Variants in KIF11 observed in about 807,000 individuals in gnomAD.
KIF11 encodes the protein kinesin family member 11, also known as kinesin-like protein KIF11.
In KIF11, 9 loss-of-function variants were observed where a neutral mutation model predicts 121.0. The observed-to-expected ratio is 0.07, with a 90% CI of 0.04 to 0.13. The LOEUF (loss-of-function observed/expected upper bound fraction) is 0.13. Ranked by LOEUF, KIF11 falls within the 10% of genes least tolerant of loss-of-function variation. The probability of loss-of-function intolerance (pLI) is 1.00; values close to 1 mark genes in which losing one functional copy is unlikely to be tolerated. For synonymous variants in KIF11, 408 were observed against 421.0 expected, an observed-to-expected ratio of 0.97 and a Z score of 0.38; for missense variants, 846 against 1,217.5, an observed-to-expected ratio of 0.69 and a Z score of 4.54.
rs150750261 is a variant in KIF11 at position 92,621,448 on chromosome 10, G to A, written c.1192G>A (p.Val398Met). 1.9e-6 allele frequency: 3 copies of A among 1,612,352 alleles called. No homozygotes were observed. The African/African-American group carries it at 4.0e-5, about 22-fold the overall frequency. Residue 398 changes from valine (V) to methionine (M), a missense_variant, in exon 10 of 22, where the codon GTG becomes ATG. By Grantham distance (21) the Val-to-Met change is conservative. Coordinates refer to ENST00000260731, the MANE Select transcript of KIF11 (RefSeq NM_004523.4). ...DLAAAREKNGVYISEENFRVM... is the reference protein window; with the variant it reads ...DLAAAREKNGMYISEENFRVM... Reference sequence around the variant, plus strand: ...TGCTGCAGCCCGTGAGAAAAATGGAGTGTATATTTCTGAAGAAAATTTTAG... The same window carrying A: ...TGCTGCAGCCCGTGAGAAAAATGGAATGTATATTTCTGAAGAAAATTTTAG...
chr10:92,593,465 C>T lies in KIF11; in HGVS notation c.77+13C>T. ...TGGTGAGATGCAGGTAGGGAGAGGG[C>T]TGACAGGATTCCGAGCGCTGCGGCT... On this transcript the variant is annotated intron_variant, in intron 1 of 21. Transcript: ENST00000260731. The T allele has an allele frequency of 6.2e-7, 1 of 1,604,574 alleles. No homozygotes were observed.
In KIF11 at chr10:92,607,071, C is replaced by T; in HGVS notation, c.309-88C>T. 6 of 787,956 alleles carry T rather than the reference C, an allele frequency of 7.6e-6. No homozygotes were observed. The South Asian group carries it at 9.5e-5, about 12-fold the overall frequency. 48.8% of individuals were successfully genotyped at this position (787,956 alleles called of 1,614,324 possible). A position where few individuals can be genotyped will look rare whatever the true frequency, so the allele number is the denominator to read the frequency against. ...GGATTATAGGCTTGAGCCACTGTGC[C>T]TGGCTTGTTTTTTGTTTTTCTAGTC... On this transcript the variant is annotated intron_variant, in intron 3 of 21. Coordinates refer to ENST00000260731, the MANE Select transcript of KIF11 (RefSeq NM_004523.4).
intron 10 of KIF11, among the ~76,000 whole-genome samples, chr10:92,624,067 A>G (rs1304309263): frequency 6.6e-6 from 1 of 151,988 alleles, no homozygotes; most frequent in Non-Finnish European, 1.5e-5. Flanking sequence ...AAAGAGGCCC[A>G]GGTGACTATT....
chr10:92,609,999 AGTGCTGAGATTACAC>A (rs1363139538), intron 6 of KIF11, among the ~76,000 whole-genome samples: 3 of 152,214 alleles, frequency 2.0e-5, no homozygotes, highest in African/African-American at 7.2e-5. Flanking sequence ...GGCCTCCCAA[AGTGCTGAGATTACAC>A]GTGTGAGCCA....
intron 1 of KIF11, among the ~76,000 whole-genome samples, chr10:92,600,249 C>T (rs1007187955): frequency 4.0e-5 from 6 of 151,624 alleles, no homozygotes; most frequent in Non-Finnish European, 5.9e-5. Context: ...GTGATCCGCC[C>T]GCTTCGGCCT....
intron 14 of KIF11, among the ~76,000 whole-genome samples, chr10:92,636,302 A>T (rs892216890): frequency 3.3e-5 from 5 of 152,094 alleles, no homozygotes; most frequent in African/African-American, 9.7e-5. Flanking sequence ...TCCTCTTTTG[A>T]ATTCTTCTGA....
At chr10:92,617,282 T>G (rs989845222) in intron 9 of KIF11, among the ~76,000 whole-genome samples, 3 of 152,228 alleles carry the variant, frequency 2.0e-5, no homozygotes, top group African/African-American at 7.2e-5. Flanking sequence ...GTCTACAGAT[T>G]TGCCTTTTCT....
intron 17 of KIF11, among the ~76,000 whole-genome samples, chr10:92,640,968 G>A (rs1253261908): frequency 2.0e-5 from 3 of 150,658 alleles, no homozygotes; most frequent in Admixed American, 2.0e-4. Flanking sequence ...GGCTGATCTT[G>A]AACTCCTGGT....
Position 92,645,602 on chromosome 10 carries a change from C to A in KIF11, c.2507C>A (p.Ser836Tyr). 1 of 1,607,892 alleles carries A rather than the reference C, an allele frequency of 6.2e-7. No homozygotes were observed. The highest frequency in any genetic ancestry group is 1.1e-5 in the South Asian group (1 of 89,662). ...TVYFSEQWVS[S>Y]LNEREQELHN... ...TATTTTTCTGAACAGTGGGTATCTT[C>A]CTTAAATGAAAGGGAACAGGAACTT... Residue 836 changes from serine to tyrosine, a missense_variant, in exon 18 of 22, where the codon TCC becomes TAC. By Grantham distance (144) the Ser-to-Tyr change is moderately radical. Around this residue, in one of 5 missense-constraint regions of KIF11, gnomAD observed 492 missense variants for 603.4 expected, o/e 0.82. Transcript: ENST00000260731.
At chr10:92,650,762 T>C (rs1471918924) in intron 21 of KIF11, among the ~76,000 whole-genome samples, 6 of 152,250 alleles carry the variant, frequency 3.9e-5, no homozygotes, top group African/African-American at 1.4e-4. Flanking sequence ...TTAGCTATTG[T>C]ATTTATTCCT....
chr10:92,653,710 A>C lies in KIF11; in HGVS notation c.3085A>C (p.Thr1029Pro), dbSNP rs1845013163. 1 of 1,613,160 alleles carries C rather than the reference A, an allele frequency of 6.2e-7. No individual in the cohort carries two copies. ...GKDKENRGIN[T>P]LERSKVEETT... is the part of the protein sequence containing the mutation. ...AGACAAAGAAAACAGAGGCATTAAC[A>C]CACTGGAGAGGTCTAAAGTGGAAGA... Residue 1029 changes from threonine to proline, a missense_variant, in exon 22 of 22, where the codon ACA (threonine) becomes CCA (proline). Coordinates refer to ENST00000260731, the MANE Select transcript of KIF11 (RefSeq NM_004523.4).
Position 92,651,507 on chromosome 10 carries a change from GTTTTTTT to G in KIF11, c.3039+1025_3039+1031del, listed in dbSNP as rs1175303233. Among the ~76,000 whole-genome samples, 515 of 52,938 alleles carry G rather than the reference GTTTTTTT, an allele frequency of 9.7e-3. 35 individuals are homozygous for G. Among genetic ancestry groups the G allele is most frequent in the South Asian group, 0.021 (22 of 1,032 alleles). The allele number at this position is 52,938 out of a possible 152,430, so 34.7% of individuals were successfully genotyped here. A position where few individuals can be genotyped will look rare whatever the true frequency, so the allele number is the denominator to read the frequency against. Reference sequence around the variant, plus strand: ...TGTGCCACCATGCCTGGCTAATTTTGTTTTTTTTTTTTTTTTTTTTTTTTTTTTTTTT... The same window carrying G: ...TGTGCCACCATGCCTGGCTAATTTTGTTTTTTTTTTTTTTTTTTTTTTTTT... On this transcript the variant is annotated intron_variant, in intron 21 of 21. Coordinates refer to ENST00000260731, the MANE Select transcript of KIF11 (RefSeq NM_004523.4).
rs200944220 is a variant in KIF11 at position 92,648,383 on chromosome 10, A to T, written c.2719A>T (p.Thr907Ser). The change falls in exon 19 of 22, where the codon ACT becomes TCT. Residue 907 changes from threonine to serine, a missense_variant. Thr to Ser is a moderately conservative substitution (Grantham distance 58, BLOSUM62 1). Around this residue, in one of 5 missense-constraint regions of KIF11, gnomAD observed 492 missense variants for 603.4 expected, o/e 0.82. Coordinates refer to ENST00000260731, the MANE Select transcript of KIF11 (RefSeq NM_004523.4). Reference protein sequence around the residue: ...ELNETIKIGLTKLNCFLEQDL... With the variant: ...ELNETIKIGLSKLNCFLEQDL... ...TAATGAAACCATAAAAATTGGTTTG[A>T]CTAAGCTTAATTGCTTTCTGGAACA... 1.7e-4 allele frequency: 280 copies of T among 1,612,886 alleles called. No individual in the cohort carries two copies. Among genetic ancestry groups the T allele is most frequent in the Admixed American group, 2.2e-4 (13 of 59,858 alleles).
intron 14 of KIF11, among the ~76,000 whole-genome samples, chr10:92,634,122 T>C (rs551055245): frequency 3.1e-4 from 47 of 152,132 alleles, no homozygotes; most frequent in African/African-American, 1.1e-3. Flanking sequence ...TAGCTGGGAC[T>C]ACAGGCGCCC....
intron 21 of KIF11, among the ~76,000 whole-genome samples, chr10:92,651,548 T>TTTTTTG (rs1844984273): frequency 2.6e-5 from 3 of 117,106 alleles, no homozygotes; most frequent in Non-Finnish European, 5.3e-5. Flanking sequence ...TTTTTTTTTT[T>TTTTTTG]AGTAGAGGGG....
intron 1 of KIF11, among the ~76,000 whole-genome samples, chr10:92,593,854 A>C (rs564457008): frequency 1.3e-5 from 2 of 152,318 alleles, no homozygotes; most frequent in East Asian, 3.9e-4. Flanking sequence ...TAGATGCAAT[A>C]TTTTCTGCAT....
chr10:92,599,928 G>A (rs1333959507), intron 1 of KIF11, among the ~76,000 whole-genome samples: 2 of 148,778 alleles, frequency 1.3e-5, no homozygotes, highest in African/African-American at 4.9e-5. Flanking sequence ...TGGGATTACA[G>A]CCGTGAGCCA....
At chr10:92,639,217 T>C (rs11187109) in intron 16 of KIF11, among the ~76,000 whole-genome samples, 13,215 of 152,246 alleles carry the variant, frequency 0.087, 652 homozygotes, top group Middle Eastern at 0.11. Flanking sequence ...TATGGGTTGT[T>C]TGATTAGTTT....
At chr10:92,611,609 T>C (rs1564706046) in intron 6 of KIF11, among the ~76,000 whole-genome samples, 1 of 152,158 alleles carries the variant, frequency 6.6e-6, no homozygotes, top group Non-Finnish European at 1.5e-5. Context: ...TTTATAAAAA[T>C]GATACTTGGC....
Sources: gnomAD v4.1 joint callset for allele counts (sites outside exome capture counted in the v4.1 genomes callset) on GRCh38, gnomAD v4.1.1 for gene constraint, gnomAD v4.1.1 regional missense constraint, MANE v1.5 for transcripts, NCBI Gene and HGNC (gene_info 2026-07-23, HGNC 2026-07-21) for gene names.